The following EPB41L5 variants were observed in gnomAD, a reference collection of about 807,000 sequenced individuals.
EPB41L5 encodes band 4.1-like protein 5.
EPB41L5 carries 55 observed loss-of-function variants against 106.6 expected under a neutral mutation model. That is an observed-to-expected ratio of 0.52 (90% CI 0.42 to 0.65). The LOEUF is 0.65. Among genes scored for constraint, EPB41L5 ranks in the 30% least tolerant of loss-of-function variants. The pLI, the probability that EPB41L5 is intolerant of heterozygous loss-of-function variation, is 0.00. For synonymous variants in EPB41L5, 297 were observed against 306.7 expected, an observed-to-expected ratio of 0.97 and a Z score of 0.33; for missense variants, 871 against 882.1, an observed-to-expected ratio of 0.99 and a Z score of 0.16.
chr2:120,096,979 A>G (rs1683798183), intron 14 of EPB41L5, among the ~76,000 whole-genome samples: 2 of 152,242 alleles, frequency 1.3e-5, no homozygotes, highest in African/African-American at 4.8e-5. Context: ...GTATTCAGCA[A>G]TGGTACGTAG....
At chr2:120,015,128 C>T (rs543986929) in intron 1 of EPB41L5, among the ~76,000 whole-genome samples, 3 of 150,974 alleles carry the variant, frequency 2.0e-5, no homozygotes, top group South Asian at 2.1e-4. Flanking sequence ...TGGAGACTAT[C>T]CTGGCTAACA....
At chr2:120,099,100 C>G (rs1683962755) in intron 14 of EPB41L5, among the ~76,000 whole-genome samples, 1 of 152,220 alleles carries the variant, frequency 6.6e-6, no homozygotes, top group African/African-American at 2.4e-5. Flanking sequence ...TTTTCTGTCT[C>G]ATTTTCCTGA....
At chr2:120,038,327 G>A (rs1679175130) in intron 2 of EPB41L5, among the ~76,000 whole-genome samples, 1 of 152,190 alleles carries the variant, frequency 6.6e-6, no homozygotes, top group African/African-American at 2.4e-5. Context: ...GAGAGAGACT[G>A]ATTCATACCT....
intron 13 of EPB41L5, among the ~76,000 whole-genome samples, chr2:120,092,709 A>G (rs1407964919): frequency 6.6e-6 from 1 of 152,170 alleles, no homozygotes; most frequent in East Asian, 1.9e-4. Context: ...TGTGGCTGTA[A>G]ATTAAATATA....
At chr2:120,019,573 G>T (rs1677785927) in intron 2 of EPB41L5, among the ~76,000 whole-genome samples, 1 of 152,198 alleles carries the variant, frequency 6.6e-6, no homozygotes, top group Non-Finnish European at 1.5e-5. Flanking sequence ...ACATGATGTA[G>T]TCTAGTGGAT....
At chr2:120,174,512 G>A (rs766681872) in intron 24 of EPB41L5, among the ~76,000 whole-genome samples, 1 of 151,770 alleles carries the variant, frequency 6.6e-6, no homozygotes, top group African/African-American at 2.4e-5. Context: ...GCCTGAGTGT[G>A]TTGCCCTTGA....
At position 120,042,233 on chromosome 2, in the gene EPB41L5, C is replaced by T. The variant is rs146391983; in HGVS notation, c.285+123C>T. The T allele has an allele frequency of 8.2e-5, 49 of 596,120 alleles. 1 individual carries two copies. Among genetic ancestry groups the T allele is most frequent in the Middle Eastern group, 8.2e-4 (2 of 2,444 alleles). The allele number at this position is 596,120 out of a possible 1,614,324, so 36.9% of individuals were successfully genotyped here. ...TTATTGTGATATAAAGCTTTGACACCGCTCCCTCCCCCCACCTCCTTGCTT... is the reference window on the plus strand; with the variant it reads ...TTATTGTGATATAAAGCTTTGACACTGCTCCCTCCCCCCACCTCCTTGCTT... On this transcript the variant is annotated intron_variant, in intron 3 of 24. Coordinates refer to ENST00000263713, the MANE Select transcript of EPB41L5 (RefSeq NM_020909.4).
At chr2:120,125,790 G>C (rs775335354) in intron 16 of EPB41L5, among the ~76,000 whole-genome samples, 1 of 152,044 alleles carries the variant, frequency 6.6e-6, no homozygotes, top group Non-Finnish European at 1.5e-5. Context: ...GAGATGTATT[G>C]GTTTGCTAGG....
chr2:120,082,031 A>C (rs1272142617), intron 10 of EPB41L5, among the ~76,000 whole-genome samples: 1 of 152,154 alleles, frequency 6.6e-6, no homozygotes, highest in Admixed American at 6.5e-5. Context: ...GGGTTTTCTA[A>C]ATATACAATC....
chr2:120,125,698 TG>T (rs1685429846), intron 16 of EPB41L5, among the ~76,000 whole-genome samples: 1 of 152,198 alleles, frequency 6.6e-6, no homozygotes, highest in African/African-American at 2.4e-5. Flanking sequence ...GAATGCCTTT[TG>T]GGATTTTTTT....
rs1270265837 is a variant in EPB41L5 at position 120,176,165 on chromosome 2, T to C, written c.*1258T>C. 6.6e-6 allele frequency: 1 copy of C among 152,664 alleles called. No individual in the cohort carries two copies. Among genetic ancestry groups the C allele is most frequent in the Non-Finnish European group, 1.5e-5 (1 of 68,048 alleles). The allele number at this position is 152,664 out of a possible 1,614,324, so 9.5% of individuals were successfully genotyped here. ...CCAGAAATAACGCTATTTAGCTTTA[T>C]AATTTTCGAATGAACAAGGTAAACC... On this transcript the variant is annotated 3_prime_UTR_variant, in exon 25 of 25. Coordinates refer to ENST00000263713, the MANE Select transcript of EPB41L5 (RefSeq NM_020909.4).
chr2:120,100,432 A>G (rs1684065739), intron 15 of EPB41L5, 146 bp downstream of exon 15: 1 of 789,514 alleles, frequency 1.3e-6, no homozygotes, highest in Admixed American at 2.8e-5. Context: ...GTGGTTCAGT[A>G]ATAACTTCCG....
At chr2:120,038,300 T>C (rs1212120606) in intron 2 of EPB41L5, among the ~76,000 whole-genome samples, 1 of 152,210 alleles carries the variant, frequency 6.6e-6, no homozygotes, top group Non-Finnish European at 1.5e-5. Context: ...AATGGAAATT[T>C]GAATCAGAGC....
At chr2:120,101,161 G>A (rs1047045679) in intron 16 of EPB41L5, among the ~76,000 whole-genome samples, 1 of 152,210 alleles carries the variant, frequency 6.6e-6, no homozygotes, top group African/African-American at 2.4e-5. Flanking sequence ...TCCCAGGTCC[G>A]TAAGGAAAGT....
rs754926603 is a variant in EPB41L5, at chr2:120,078,555, A to G, written c.777A>G (p.Gly259=). The part of the protein sequence containing the change: ...LTPTGVLVFE[G]DTKIGLFFWP... ...CAACAGGAGTCCTTGTTTTTGAAGG[A>G]GATACCAAAATTGGCTTATTTTTTT... The change falls in exon 10 of 25, where the codon GGA becomes GGG. Residue 259 remains glycine (G), a synonymous_variant. Coordinates refer to ENST00000263713, the MANE Select transcript of EPB41L5 (RefSeq NM_020909.4). The G allele has an allele frequency of 2.5e-6, 4 of 1,605,976 alleles. No homozygotes were observed. In the South Asian group the frequency reaches 3.3e-5, roughly 13 times the overall value.
At chr2:120,062,064 A>T (rs1356230301) in intron 3 of EPB41L5, among the ~76,000 whole-genome samples, 1 of 152,216 alleles carries the variant, frequency 6.6e-6, no homozygotes, top group Non-Finnish European at 1.5e-5. Context: ...GATGACAAGG[A>T]TGCCTACTAT....
At chr2:120,161,622 G>A (rs1363974450) in intron 21 of EPB41L5, among the ~76,000 whole-genome samples, 1 of 152,170 alleles carries the variant, frequency 6.6e-6, no homozygotes, top group African/African-American at 2.4e-5. Flanking sequence ...TTTTGAATTA[G>A]TAGTTTCATT....
At chr2:120,144,125 G>A (rs1686298628) in intron 19 of EPB41L5, among the ~76,000 whole-genome samples, 1 of 152,200 alleles carries the variant, frequency 6.6e-6, no homozygotes, top group South Asian at 2.1e-4. Context: ...GCATACCCCC[G>A]CAAAATTTTT....
chr2:120,080,883 C>T lies in EPB41L5; in HGVS notation c.803+2302C>T, dbSNP rs572479897. 3.3e-4 allele frequency among the ~76,000 whole-genome samples: 50 copies of T among 152,206 alleles called. No homozygotes were observed. In the East Asian group the frequency reaches 9.6e-3, roughly 29 times the overall value. ...TGATGATGAGCATTTTTTCATGTGT[C>T]TGTTGGCTGCATAAATGTCTTCTTT... On this transcript the variant is annotated intron_variant, in intron 10 of 24. Coordinates refer to ENST00000263713, the MANE Select transcript of EPB41L5 (RefSeq NM_020909.4).
Sources: gnomAD v4.1 joint callset for allele counts (sites outside exome capture counted in the v4.1 genomes callset) on GRCh38, gnomAD v4.1.1 for gene constraint, MANE v1.5 for transcripts, NCBI Gene and HGNC (gene_info 2026-07-23, HGNC 2026-07-21) for gene names.